Variants in DLGAP1 observed in about 807,000 individuals in gnomAD.
The protein encoded by DLGAP1 is DLG associated protein 1.
Under a neutral mutation model 90.8 loss-of-function variants are expected in DLGAP1, and 11 were observed. The observed-to-expected ratio is 0.12, with a 90% CI of 0.08 to 0.20. DLGAP1 has a LOEUF of 0.20. DLGAP1 is among the 10% of genes least tolerant of loss of function. The pLI, the probability that DLGAP1 is intolerant of heterozygous loss-of-function variation, is 1.00. For synonymous variants in DLGAP1, 558 were observed against 540.7 expected (o/e 1.03, Z -0.44); for missense variants, 1,050 against 1,333.8 (o/e 0.79, Z 3.31).
chr18:3,715,415 A>G (rs972121469), intron 7 of DLGAP1, among the ~76,000 whole-genome samples: 8 of 152,224 alleles, frequency 5.3e-5, no homozygotes, highest in Non-Finnish European at 1.0e-4. Context: ...TGCTGCACTG[A>G]GGTGTACAGG....
intron 3 of DLGAP1, among the ~76,000 whole-genome samples, chr18:4,002,924 C>A: frequency 6.6e-6 from 1 of 152,298 alleles, no homozygotes; most frequent in East Asian, 1.9e-4. Context: ...AAAGTCTCTG[C>A]GTGTCTCTTT....
intron 11 of DLGAP1, among the ~76,000 whole-genome samples, chr18:3,505,716 C>G (rs953046596): frequency 6.7e-6 from 1 of 150,038 alleles, no homozygotes; most frequent in Non-Finnish European, 1.5e-5. Flanking sequence ...GAAATCTAAA[C>G]GCTTTCAGCA....
chr18:4,443,034 C>A (rs2083575094), intron 1 of DLGAP1, among the ~76,000 whole-genome samples: 1 of 152,186 alleles, frequency 6.6e-6, no homozygotes, highest in South Asian at 2.1e-4. Flanking sequence ...CAATAGCGGA[C>A]ATCTTCAGAA....
chr18:4,055,973 C>T (rs563688147), intron 2 of DLGAP1, among the ~76,000 whole-genome samples: 5 of 152,260 alleles, frequency 3.3e-5, no homozygotes, highest in Non-Finnish European at 5.9e-5. Context: ...ACGACTCTCA[C>T]AGAGGAGGTG....
chr18:3,811,749 G>A (rs879165151), intron 5 of DLGAP1, among the ~76,000 whole-genome samples: 1 of 152,204 alleles, frequency 6.6e-6, no homozygotes, highest in Admixed American at 6.5e-5. Flanking sequence ...GACGTTGGAG[G>A]AGGGTCATAT....
At chr18:3,620,147 G>A (rs766998114) in intron 7 of DLGAP1, among the ~76,000 whole-genome samples, 3 of 152,098 alleles carry the variant, frequency 2.0e-5, no homozygotes, top group Non-Finnish European at 4.4e-5. Flanking sequence ...CTACCTGAAT[G>A]GGCCCAAAGT....
At chr18:3,558,512 T>C (rs1292552214) in intron 9 of DLGAP1, among the ~76,000 whole-genome samples, 1 of 152,124 alleles carries the variant, frequency 6.6e-6, no homozygotes, top group Non-Finnish European at 1.5e-5. Flanking sequence ...GGATTACAGG[T>C]ATTAGCCACC....
At chr18:3,817,413 G>A (rs1468098637) in intron 4 of DLGAP1, among the ~76,000 whole-genome samples, 2 of 152,154 alleles carry the variant, frequency 1.3e-5, no homozygotes, top group Non-Finnish European at 2.9e-5. Flanking sequence ...CAGCTAAGAA[G>A]TTATGTGGAA....
At chr18:4,453,671 C>T (rs1369948302) in intron 1 of DLGAP1, among the ~76,000 whole-genome samples, 2 of 152,162 alleles carry the variant, frequency 1.3e-5, no homozygotes, top group African/African-American at 4.8e-5. Context: ...CTGATCTATC[C>T]TCACCTTCTA....
chr18:3,664,923 A>C (rs1423523537), intron 7 of DLGAP1, among the ~76,000 whole-genome samples: 3 of 152,142 alleles, frequency 2.0e-5, no homozygotes, highest in African/African-American at 7.2e-5. Context: ...ACCTTGTGAA[A>C]ATCTGGGTTC....
At chr18:4,101,555 C>T (rs1194264920) in intron 2 of DLGAP1, among the ~76,000 whole-genome samples, 1 of 152,198 alleles carries the variant, frequency 6.6e-6, no homozygotes, top group African/African-American at 2.4e-5. Context: ...CTGATAGACT[C>T]GCATAACGCA....
intron 4 of DLGAP1, among the ~76,000 whole-genome samples, chr18:3,867,657 A>T (rs2070483713): frequency 6.6e-6 from 1 of 152,158 alleles, no homozygotes; most frequent in African/African-American, 2.4e-5. Context: ...TAGGCAAAAG[A>T]GAAGGGCTGT....
chr18:3,814,779 C>G (rs1003070754), intron 4 of DLGAP1, among the ~76,000 whole-genome samples: 1 of 152,158 alleles, frequency 6.6e-6, no homozygotes, highest in African/African-American at 2.4e-5. Flanking sequence ...TTTGTCATTT[C>G]TTTGTGTTAC....
At chr18:4,392,344 G>A (rs1217233104) in intron 1 of DLGAP1, among the ~76,000 whole-genome samples, 1 of 152,084 alleles carries the variant, frequency 6.6e-6, no homozygotes, top group African/African-American at 2.4e-5. Flanking sequence ...TTCACTTATT[G>A]TTTGATTGGG....
intron 7 of DLGAP1, among the ~76,000 whole-genome samples, chr18:3,618,020 A>T (rs1307016219): frequency 1.3e-5 from 2 of 152,090 alleles, no homozygotes; most frequent in Non-Finnish European, 2.9e-5. Flanking sequence ...CTGGGTGACA[A>T]AAGTGAAACT....
intron 9 of DLGAP1, among the ~76,000 whole-genome samples, chr18:3,562,023 T>C (rs890475397): frequency 6.7e-6 from 1 of 148,612 alleles, no homozygotes; most frequent in African/African-American, 2.6e-5. Flanking sequence ...GGTCAGGAGT[T>C]TGAGACCAGC....
chr18:3,629,239 G>A (rs1438516438), intron 7 of DLGAP1, among the ~76,000 whole-genome samples: 2 of 151,874 alleles, frequency 1.3e-5, no homozygotes, highest in Non-Finnish European at 2.9e-5. Context: ...ACAGCAAGAC[G>A]CCATCTCTAA....
chr18:4,186,043 G>GT (rs2077288797), intron 1 of DLGAP1, among the ~76,000 whole-genome samples: 1 of 151,514 alleles, frequency 6.6e-6, no homozygotes, highest in African/African-American at 2.4e-5. Context: ...GTGATATTGA[G>GT]TTTTTTTCAT....
intron 5 of DLGAP1, among the ~76,000 whole-genome samples, chr18:3,760,454 T>C (rs2063915203): frequency 6.6e-6 from 1 of 152,190 alleles, no homozygotes; most frequent in South Asian, 2.1e-4. Flanking sequence ...GGAAATAATC[T>C]ATCTTAATAC....
Sources: gnomAD v4.1 joint callset for allele counts (sites outside exome capture counted in the v4.1 genomes callset) on GRCh38, gnomAD v4.1.1 for gene constraint, MANE v1.5 for transcripts, NCBI Gene and HGNC (gene_info 2026-07-23, HGNC 2026-07-21) for gene names.